EDA: variants seen among roughly 807,000 people sequenced by gnomAD.
EDA encodes the protein ectodysplasin A, also known as ectodysplasin-A.
In EDA, 2 loss-of-function variants were observed where a neutral mutation model predicts 23.6. That is an observed-to-expected ratio of 0.08 (90% CI 0.03 to 0.27). The LOEUF (loss-of-function observed/expected upper bound fraction) is 0.27. EDA is among the 10% of genes least tolerant of loss of function. The pLI, the probability that EDA is intolerant of heterozygous loss-of-function variation, is 1.00. For synonymous variants in EDA, 131 were observed against 132.0 expected, an observed-to-expected ratio of 0.99 and a Z score of 0.05; for missense variants, 229 against 324.2, an observed-to-expected ratio of 0.71 and a Z score of 2.26.
intron 1 of EDA, among the ~76,000 whole-genome samples, chrX:69,844,606 C>A (rs904759888): frequency 6.2e-5 from 7 of 112,659 alleles, no homozygotes; most frequent in African/African-American, 2.3e-4. Flanking sequence ...AGAACAAATT[C>A]TGCAATGTGG....
At chrX:70,029,133 C>T (rs1055766132) in intron 4 of EDA, among the ~76,000 whole-genome samples, 9 of 112,908 alleles carry the variant, frequency 8.0e-5, no homozygotes, top group African/African-American at 2.6e-4. Flanking sequence ...GCAGTGGGCT[C>T]TATGAAGAAA....
chrX:69,727,075 G>A (rs1440412956), intron 1 of EDA, among the ~76,000 whole-genome samples: 26 of 111,537 alleles, frequency 2.3e-4, no homozygotes, highest in Non-Finnish European at 1.5e-4. Flanking sequence ...ATTGAGTGGT[G>A]GAGTGGCTCT....
chrX:70,004,616 A>G (rs780975769), intron 2 of EDA, among the ~76,000 whole-genome samples: 1 of 112,588 alleles, frequency 8.9e-6, no homozygotes, highest in East Asian at 2.8e-4. Flanking sequence ...TTAAGATGCC[A>G]AGATTTGAAG....
intron 2 of EDA, among the ~76,000 whole-genome samples, chrX:69,965,091 A>T (rs2019155824): frequency 8.9e-6 from 1 of 111,743 alleles, no homozygotes; most frequent in Non-Finnish European, 1.9e-5. Context: ...GCTATGGGAC[A>T]CACTGGCACC....
intron 1 of EDA, among the ~76,000 whole-genome samples, chrX:69,905,855 C>T (rs2018169817): frequency 9.0e-6 from 1 of 111,104 alleles, no homozygotes; most frequent in South Asian, 3.8e-4. Flanking sequence ...ATCCTGTTTG[C>T]CTTATTCACT....
intron 2 of EDA, among the ~76,000 whole-genome samples, chrX:70,005,457 A>T (rs2019791234): frequency 9.0e-6 from 1 of 111,395 alleles, no homozygotes; most frequent in African/African-American, 3.3e-5. Context: ...CTGGAGATAC[A>T]GAGATGAGTA....
At chrX:69,812,338 A>G (rs2015981037) in intron 1 of EDA, among the ~76,000 whole-genome samples, 1 of 112,609 alleles carries the variant, frequency 8.9e-6, no homozygotes, top group African/African-American at 3.2e-5. Flanking sequence ...TTTTATTTAT[A>G]AAGATTTCTT....
At chrX:69,678,481 A>C (rs1160600494) in intron 1 of EDA, among the ~76,000 whole-genome samples, 1 of 111,296 alleles carries the variant, frequency 9.0e-6, no homozygotes, top group East Asian at 2.8e-4. Flanking sequence ...ATTTGTTTGT[A>C]TCCTCTTTTA....
rs1482323763 is a variant in EDA, at chrX:70,036,662, CTT to C, written c.*1054_*1055del. 8.9e-6 allele frequency: 1 copy of C among 112,984 alleles called. No homozygotes were observed. The highest frequency in any genetic ancestry group is 1.9e-5 in the Non-Finnish European group (1 of 53,406). 9.3% of individuals were successfully genotyped at this position (112,984 alleles called of 1,213,427 possible). ...CCTTCAATTTCTAGTACCTGTGACTCTTAGCCCTCACCACAGCCTTCTAAATT... is the reference window on the plus strand; with the variant it reads ...CCTTCAATTTCTAGTACCTGTGACTCAGCCCTCACCACAGCCTTCTAAATT... On this transcript the variant is annotated 3_prime_UTR_variant, in exon 8 of 8. Coordinates refer to ENST00000374552, the MANE Select transcript of EDA (RefSeq NM_001399.5).
intron 1 of EDA, among the ~76,000 whole-genome samples, chrX:69,657,722 T>G (rs1933361400): frequency 8.9e-6 from 1 of 112,134 alleles, no homozygotes; most frequent in East Asian, 2.8e-4. Context: ...CACCATTTAT[T>G]GAATAGGGTA....
chrX:69,804,395 G>A (rs374961154), intron 1 of EDA, among the ~76,000 whole-genome samples: 8 of 109,360 alleles, frequency 7.3e-5, no homozygotes, highest in African/African-American at 2.3e-4. Flanking sequence ...AATCACAGTT[G>A]GAAACAGAGA....
chrX:69,682,878 G>C (rs1934421685), intron 1 of EDA, among the ~76,000 whole-genome samples: 1 of 111,488 alleles, frequency 9.0e-6, no homozygotes. Context: ...TCCAAATAAA[G>C]TGACTTGCTG....
chrX:69,940,283 C>CA (rs775634553), intron 1 of EDA, among the ~76,000 whole-genome samples: 8 of 111,151 alleles, frequency 7.2e-5, no homozygotes, highest in African/African-American at 2.6e-4. Context: ...TTAGTCTGTT[C>CA]AGGTGATGGA....
At chrX:69,866,114 C>T (rs1356300978) in intron 1 of EDA, among the ~76,000 whole-genome samples, 1 of 111,543 alleles carries the variant, frequency 9.0e-6, no homozygotes, top group African/African-American at 3.3e-5. Context: ...CAGGTCATGG[C>T]TTTTTTCCTG....
At chrX:70,001,383 G>C (rs979613108) in intron 2 of EDA, among the ~76,000 whole-genome samples, 2 of 90,251 alleles carry the variant, frequency 2.2e-5, no homozygotes, top group African/African-American at 1.0e-4. Flanking sequence ...TGTAATCGCT[G>C]TTTGTGGTTT....
At chrX:69,931,266 C>T (rs2018594242) in intron 1 of EDA, among the ~76,000 whole-genome samples, 1 of 111,660 alleles carries the variant, frequency 9.0e-6, no homozygotes, top group Non-Finnish European at 1.9e-5. Flanking sequence ...ATTTAAAAGA[C>T]AAAATACAGC....
chrX:69,910,404 T>G (rs995527951), intron 1 of EDA, among the ~76,000 whole-genome samples: 1 of 106,828 alleles, frequency 9.4e-6, no homozygotes, highest in Non-Finnish European at 1.9e-5. Context: ...TGTGTGTGTG[T>G]GTGTGTGTGT....
At chrX:69,618,974 A>C (rs1437318349) in intron 1 of EDA, among the ~76,000 whole-genome samples, 1 of 112,036 alleles carries the variant, frequency 8.9e-6, no homozygotes, top group Admixed American at 9.5e-5. Context: ...AGCTTGGTTA[A>C]AATTTCTAGT....
chrX:69,796,910 T>A (rs2015558395), intron 1 of EDA, among the ~76,000 whole-genome samples: 1 of 110,552 alleles, frequency 9.0e-6, no homozygotes, highest in Admixed American at 9.7e-5. Flanking sequence ...TGGAACTGAA[T>A]AATCACTTGA....
Sources: allele counts gnomAD v4.1 joint callset (sites outside exome capture counted in the v4.1 genomes callset), GRCh38; gene constraint gnomAD v4.1.1; transcripts MANE v1.5; gene names NCBI Gene and HGNC (gene_info 2026-07-23, HGNC 2026-07-21).